Variants in CCDC15 observed in about 807,000 individuals in gnomAD.
CCDC15 encodes the protein coiled-coil domain-containing protein 15.
In CCDC15, 105 loss-of-function variants were observed where a neutral mutation model predicts 114.5. That is an observed-to-expected ratio of 0.92 (90% CI 0.78 to 1.08). The LOEUF (loss-of-function observed/expected upper bound fraction) is 1.08, where lower values mean the gene tolerates loss of function less well. Among genes scored for constraint, CCDC15 ranks in the 50% least tolerant of loss-of-function variants. CCDC15 has a pLI of 0.00. For synonymous variants in CCDC15, 334 were observed against 377.8 expected (o/e 0.88, Z 1.34); for missense variants, 1,105 against 1,093.6 (o/e 1.01, Z -0.15).
intron 13 of CCDC15, among the ~76,000 whole-genome samples, chr11:125,023,051 A>G (rs1002792188): frequency 3.3e-5 from 5 of 151,888 alleles, no homozygotes; most frequent in Non-Finnish European, 7.4e-5. Context: ...TTGTTCTTTT[A>G]TGGAGTGTGC....
At chr11:124,978,718 T>G (rs1948017521) in intron 6 of CCDC15, among the ~76,000 whole-genome samples, 1 of 152,040 alleles carries the variant, frequency 6.6e-6, no homozygotes, top group East Asian at 1.9e-4. Context: ...GACCTTTCTT[T>G]GATGCATATT....
chr11:124,954,946 C>T (rs750630959), intron 2 of CCDC15, 37 bp downstream of exon 2: 5 of 1,590,922 alleles, frequency 3.1e-6, no homozygotes, highest in Non-Finnish European at 4.3e-6. Flanking sequence ...GTGGGGTTCC[C>T]CACCACCCTT....
Position 124,983,514 on chromosome 11 carries a change from T to G in CCDC15, c.754-3228T>G, listed in dbSNP as rs532408932. ...GATTCTGGTATAAGGGGGAGTCAGT[T>G]GACTGGCTTCATTTCTGGAAGATTT... On this transcript the variant is annotated intron_variant, in intron 6 of 15. Transcript: ENST00000344762. Among the ~76,000 whole-genome samples the G allele has an allele frequency of 2.0e-5, 3 of 152,190 alleles. No individual in the cohort carries two copies. The South Asian group carries it at 6.2e-4, about 32-fold the overall frequency.
intron 13 of CCDC15, among the ~76,000 whole-genome samples, chr11:125,011,135 C>A (rs950515576): frequency 6.6e-6 from 1 of 151,692 alleles, no homozygotes; most frequent in African/African-American, 2.4e-5. Context: ...AAAAAATAAA[C>A]CTTTTAATTA....
At chr11:124,959,676 A>G (rs1947621784) in intron 3 of CCDC15, 139 bp from the exon 4 acceptor site, 2 of 608,562 alleles carry the variant, frequency 3.3e-6, no homozygotes, top group Admixed American at 3.5e-5. Flanking sequence ...TGCCTGGTAA[A>G]TGTTAGTTTC....
intron 13 of CCDC15, among the ~76,000 whole-genome samples, chr11:125,017,780 C>T (rs1948638028): frequency 6.6e-6 from 1 of 151,950 alleles, no homozygotes; most frequent in African/African-American, 2.4e-5. Context: ...TATTGATGAT[C>T]CTGACCCTGT....
intron 11 of CCDC15, 96 bp from the exon 12 acceptor site, chr11:125,003,771 G>T: frequency 1.5e-6 from 1 of 667,480 alleles, no homozygotes; most frequent in Non-Finnish European, 2.5e-6. Context: ...TTGAGCCCAA[G>T]TTTGCAAAAG....
intron 8 of CCDC15, among the ~76,000 whole-genome samples, chr11:124,990,105 T>C (rs1169347920): frequency 1.3e-5 from 2 of 152,214 alleles, no homozygotes; most frequent in Admixed American, 1.3e-4. Context: ...GGGAGACATG[T>C]GGTTCTTTCT....
rs1948300962 is a variant in CCDC15, at chr11:124,993,218, G to T, written c.2189G>T (p.Arg730Ile). The T allele has an allele frequency of 6.2e-7, 1 of 1,606,164 alleles. No homozygotes were observed. Among genetic ancestry groups the T allele is most frequent in the Non-Finnish European group, 8.5e-7 (1 of 1,174,642 alleles). ...PSSFEKWEIA[R>I]GNTPGVPLAY... ...TCTTTTGAGAAATGGGAGATTGCAA[G>T]AGGAAATACTCCTGGAGTGCCCTTG... The change falls in exon 11 of 16, where the codon AGA becomes ATA. Residue 730 changes from arginine to isoleucine, a missense_variant. Coordinates refer to ENST00000344762, the MANE Select transcript of CCDC15 (RefSeq NM_025004.3).
chr11:124,955,050 G>A, intron 2 of CCDC15, 141 bp downstream of exon 2: 1 of 786,298 alleles, frequency 1.3e-6, no homozygotes. Flanking sequence ...TCTTGCATTA[G>A]GATTATAGAA....
Position 124,988,284 on chromosome 11 carries a change from T to C in CCDC15, c.1908+150T>C, listed in dbSNP as rs182704118. 8.2e-6 allele frequency: 7 copies of C among 858,214 alleles called. No homozygotes were observed. The African/African-American group carries it at 8.5e-5, about 10-fold the overall frequency. The allele number at this position is 858,214 out of a possible 1,614,324, so 53.2% of individuals were successfully genotyped here. A position where few individuals can be genotyped will look rare whatever the true frequency, so the allele number is the denominator to read the frequency against. The stretch of plus-strand genomic sequence containing the variant: ...AAAGCAAATATTGGAATAAAGTAAG[T>C]CACACAAATTTCTTGGCTTCCCAGT... On this transcript the variant is annotated intron_variant, in intron 8 of 15. Coordinates refer to ENST00000344762, the MANE Select transcript of CCDC15 (RefSeq NM_025004.3).
intron 6 of CCDC15, among the ~76,000 whole-genome samples, chr11:124,985,314 G>A (rs748149916): frequency 2.0e-5 from 3 of 152,142 alleles, no homozygotes; most frequent in Non-Finnish European, 4.4e-5. Context: ...TTGTGTATGA[G>A]CAGTTGTGTA....
intron 2 of CCDC15, 51 bp downstream of exon 2, chr11:124,954,960 A>C: frequency 6.6e-7 from 1 of 1,525,770 alleles, no homozygotes; most frequent in African/African-American, 1.4e-5. Context: ...CACCCTTTTT[A>C]TTAGCCTTCT....
At chr11:124,966,213 G>A (rs560079254) in intron 4 of CCDC15, among the ~76,000 whole-genome samples, 38 of 152,226 alleles carry the variant, frequency 2.5e-4, no homozygotes, top group Middle Eastern at 3.4e-3. Context: ...CTTCTCTCTC[G>A]TTGATCTGTC....
At chr11:124,993,685 C>G (rs750604769) in intron 11 of CCDC15, among the ~76,000 whole-genome samples, 3 of 152,132 alleles carry the variant, frequency 2.0e-5, no homozygotes, top group Non-Finnish European at 4.4e-5. Flanking sequence ...GCAGGTAGAG[C>G]AGGGTGTATT....
intron 13 of CCDC15, among the ~76,000 whole-genome samples, chr11:125,009,209 AAG>A (rs1948572814): frequency 7.5e-6 from 1 of 133,214 alleles, no homozygotes; most frequent in Non-Finnish European, 1.6e-5. Context: ...CCTGGGCAAT[AAG>A]AGCGAAACTC....
At chr11:124,981,622 G>C (rs908824426) in intron 6 of CCDC15, among the ~76,000 whole-genome samples, 1 of 151,812 alleles carries the variant, frequency 6.6e-6, no homozygotes, top group African/African-American at 2.4e-5. Flanking sequence ...CACTATTATT[G>C]TGTGGTTATC....
intron 4 of CCDC15, among the ~76,000 whole-genome samples, chr11:124,971,972 A>G (rs1947890547): frequency 6.6e-6 from 1 of 152,080 alleles, no homozygotes; most frequent in South Asian, 2.1e-4. Flanking sequence ...CTCTCTTTAT[A>G]GTTATATTGT....
chr11:124,959,006 T>C, intron 2 of CCDC15, 109 bp from the exon 3 acceptor site: 1 of 662,610 alleles, frequency 1.5e-6, no homozygotes, highest in South Asian at 2.9e-5. Flanking sequence ...CAGAATGGAA[T>C]TATTTTTTTC....
Sources: gnomAD v4.1 joint callset for allele counts (sites outside exome capture counted in the v4.1 genomes callset) on GRCh38, gnomAD v4.1.1 for gene constraint, MANE v1.5 for transcripts, NCBI Gene and HGNC (gene_info 2026-07-23, HGNC 2026-07-21) for gene names.